ILF2: variants seen among roughly 807,000 people sequenced by gnomAD.
ILF2 encodes interleukin enhancer-binding factor 2.
ILF2 carries 9 observed loss-of-function variants against 55.3 expected under a neutral mutation model. That is an observed-to-expected ratio of 0.16 (90% confidence interval 0.10 to 0.28). The LOEUF is 0.28. Among genes scored for constraint, ILF2 ranks in the 10% least tolerant of loss-of-function variants. The pLI is 1.00. For synonymous variants in ILF2, 151 were observed against 161.8 expected (o/e 0.93, Z 0.50); for missense variants, 266 against 474.9 (o/e 0.56, Z 4.09).
intron 3 of ILF2, among the ~76,000 whole-genome samples, chr1:153,669,537 G>A (rs1243541577): frequency 2.0e-5 from 3 of 151,208 alleles, no homozygotes; most frequent in South Asian, 2.1e-4. Context: ...TGCAACCTCC[G>A]CGTCCCGGGT....
intron 10 of ILF2, 120 bp from the exon 11 acceptor site, chr1:153,663,396 A>G (rs1272588559): frequency 2.2e-6 from 2 of 911,192 alleles, no homozygotes; most frequent in African/African-American, 3.3e-5. Context: ...TGGCGCAATC[A>G]TAGTTCACTG....
intron 3 of ILF2, 23 bp from the exon 4 acceptor site, chr1:153,668,580 CA>C (rs749504980): frequency 6.3e-7 from 1 of 1,598,588 alleles, no homozygotes. Context: ...TAAACAACTA[CA>C]TTCTATTTGC....
intron 8 of ILF2, 61 bp from the exon 9 acceptor site, chr1:153,664,535 C>G: frequency 7.7e-7 from 1 of 1,292,350 alleles, no homozygotes; most frequent in South Asian, 1.2e-5. Context: ...CTACTCATTA[C>G]CACTGCTACA....
intron 1 of ILF2, 96 bp downstream of exon 1, chr1:153,670,822 A>C (rs1265106317): frequency 3.7e-5 from 52 of 1,418,288 alleles, no homozygotes; most frequent in Middle Eastern, 3.5e-4. Context: ...GCCCCCGGAT[A>C]CATGGCCCTT....
intron 4 of ILF2, 104 bp from the exon 5 acceptor site, chr1:153,668,181 C>G: frequency 2.3e-6 from 2 of 884,972 alleles, no homozygotes; most frequent in South Asian, 3.3e-5. Flanking sequence ...TGACTCAATA[C>G]TGACATAGGG....
intron 11 of ILF2, 22 bp from the exon 12 acceptor site, chr1:153,663,155 G>A: frequency 6.2e-7 from 1 of 1,613,298 alleles, no homozygotes; most frequent in Non-Finnish European, 8.5e-7. Flanking sequence ...GGAGGTATGA[G>A]GTATTAAAGG....
At chr1:153,663,962 C>G in intron 10 of ILF2, 81 bp downstream of exon 10, 1 of 484,742 alleles carries the variant, frequency 2.1e-6, no homozygotes, top group East Asian at 4.0e-5. Flanking sequence ...AGAGTTACTA[C>G]TACTACTACT....
chr1:153,664,219 C>A, intron 9 of ILF2, 89 bp from the exon 10 acceptor site: 1 of 963,670 alleles, frequency 1.0e-6, no homozygotes, highest in Non-Finnish European at 1.6e-6. Flanking sequence ...ATGCTATTTC[C>A]AGAACTATAC....
At chr1:153,667,835 C>T (rs1305249126) in intron 5 of ILF2, among the ~76,000 whole-genome samples, 165 bp downstream of exon 5, 2 of 152,156 alleles carry the variant, frequency 1.3e-5, no homozygotes, top group Non-Finnish European at 2.9e-5. Flanking sequence ...AACAATGATA[C>T]AAGTCTTGTC....
intron 13 of ILF2, 40 bp from the exon 14 acceptor site, chr1:153,662,596 C>T: frequency 6.3e-7 from 1 of 1,584,680 alleles, no homozygotes; most frequent in African/African-American, 1.3e-5. Flanking sequence ...AGTAGCCCAG[C>T]ATAAAAGTCA....
At chr1:153,668,109 T>G in intron 4 of ILF2, 32 bp from the exon 5 acceptor site, 1 of 1,471,358 alleles carries the variant, frequency 6.8e-7, no homozygotes, top group Non-Finnish European at 9.4e-7. Flanking sequence ...TACTTGAAAA[T>G]GAAAAATTAT....
chr1:153,668,172 G>A (rs1163979863), intron 4 of ILF2, 95 bp from the exon 5 acceptor site: 4 of 940,702 alleles, frequency 4.3e-6, no homozygotes, highest in Non-Finnish European at 6.5e-6. Flanking sequence ...CATACAAGCT[G>A]ACTCAATACT....
chr1:153,663,955 G>GTTA, intron 10 of ILF2, 88 bp downstream of exon 10: 3 of 615,416 alleles, frequency 4.9e-6, no homozygotes, highest in Non-Finnish European at 7.8e-6. Context: ...GAATTTCAGA[G>GTTA]TTACTACTAC....
Position 153,664,118 on chromosome 1 carries a change from G to T in ILF2, c.669C>A (p.Leu223=). The part of the protein sequence containing the change: ...ENASQSTVKV[L]IRLLKDLRIR... ...TCCTCAAGTCCTTCAGTAGTCTGAT[G>T]AGAACTTTAACTCTGAAAGTAATAG... Residue 223 remains leucine, a synonymous_variant, in exon 10 of 14, where the codon CTC becomes CTA. Transcript: ENST00000361891. 6.2e-7 allele frequency: 1 copy of T among 1,610,760 alleles called. No homozygotes were observed. Among genetic ancestry groups the T allele is most frequent in the South Asian group, 1.1e-5 (1 of 90,868 alleles).
At chr1:153,663,976 ACT>A in intron 10 of ILF2, 65 bp downstream of exon 10, 1 of 781,750 alleles carries the variant, frequency 1.3e-6, no homozygotes, top group African/African-American at 1.7e-5. Flanking sequence ...TACTACTACT[ACT>A]ACTACTACTA....
rs546202903 is a variant in ILF2, at chr1:153,663,389, C to T, written c.745-113G>A. On this transcript the variant is annotated intron_variant, in intron 10 of 13. Coordinates refer to ENST00000361891, the MANE Select transcript of ILF2 (RefSeq NM_004515.4). ...TGTCATCCAGGCTGGAGTGCAGTGG[C>T]GCAATCATAGTTCACTGTAACCGCG... The T allele has an allele frequency of 8.8e-4, 861 of 978,430 alleles. 2 individuals are homozygous for T. The highest frequency in any genetic ancestry group is 1.6e-3 in the African/African-American group (100 of 62,226). The allele number at this position is 978,430 out of a possible 1,614,324, so 60.6% of individuals were successfully genotyped here. A position where few individuals can be genotyped will look rare whatever the true frequency, so the allele number is the denominator to read the frequency against.
In ILF2 at chr1:153,670,980, A is replaced by G; in HGVS notation, c.-58T>C. 1.2e-6 allele frequency: 2 copies of G among 1,609,856 alleles called. No individual in the cohort carries two copies. Among genetic ancestry groups the G allele is most frequent in the Non-Finnish European group, 1.7e-6 (2 of 1,176,054 alleles). ...CCAACCGCCCCTTCCTCTGAGTAGC[A>G]GACAACTGAAGAGGCGTCTTGCCGG... On this transcript the variant is annotated 5_prime_UTR_variant, in exon 1 of 14. Transcript: ENST00000361891.
chr1:153,668,605 C>T (rs754216542), intron 3 of ILF2, 48 bp from the exon 4 acceptor site: 14 of 1,547,040 alleles, frequency 9.0e-6, no homozygotes, highest in Admixed American at 4.3e-5. Context: ...AGATAATATA[C>T]AGGAGAGATT....
intron 6 of ILF2, 121 bp downstream of exon 6, chr1:153,667,434 G>T: frequency 1.3e-6 from 1 of 745,016 alleles, no homozygotes; most frequent in Non-Finnish European, 2.4e-6. Context: ...AGCTACAATG[G>T]TACCACTGCA....
Sources: allele counts gnomAD v4.1 joint callset (sites outside exome capture counted in the v4.1 genomes callset), GRCh38; gene constraint gnomAD v4.1.1; transcripts MANE v1.5; gene names NCBI Gene and HGNC (gene_info 2026-07-23, HGNC 2026-07-21).